AIMP2: variants seen among roughly 807,000 people sequenced by gnomAD.
AIMP2 encodes aminoacyl tRNA synthase complex-interacting multifunctional protein 2.
Under a neutral mutation model 23.4 loss-of-function variants are expected in AIMP2, and 20 were observed. That is an observed-to-expected ratio of 0.85 (90% CI 0.60 to 1.24). The LOEUF (loss-of-function observed/expected upper bound fraction) is 1.24, where lower values mean the gene tolerates loss of function less well. Ranked by LOEUF, AIMP2 falls within the 50% of genes most tolerant of loss-of-function variation. The pLI, the probability that AIMP2 is intolerant of heterozygous loss-of-function variation, is 0.00. For missense variants in AIMP2, 515 were observed against 414.5 expected (o/e 1.24, Z -2.10); for synonymous variants, 210 against 170.4 (o/e 1.23, Z -1.81).
intron 1 of AIMP2, among the ~76,000 whole-genome samples, chr7:6,013,928 G>C (rs902538117): frequency 6.6e-6 from 1 of 151,154 alleles, no homozygotes; most frequent in Non-Finnish European, 1.5e-5. Context: ...TCCAGCCTGG[G>C]CAATAGAGTG....
At chr7:6,023,060 C>A (rs1787550235) in intron 3 of AIMP2, 8 of 476,314 alleles carry the variant, frequency 1.7e-5, no homozygotes, top group South Asian at 3.3e-5. Flanking sequence ...CTTCTAGCTT[C>A]AGAAGTGTCA....
At chr7:6,020,426 AAAAG>A (rs1307630435) in intron 3 of AIMP2, among the ~76,000 whole-genome samples, 10 of 151,932 alleles carry the variant, frequency 6.6e-5, no homozygotes, top group Admixed American at 5.9e-4. Flanking sequence ...GTCTCAAAAA[AAAAG>A]AAAAGAAAAT....
intron 3 of AIMP2, 103 bp downstream of exon 3, chr7:6,018,148 T>TTC (rs754844062): frequency 0.011 from 1,203 of 113,776 alleles, 1 homozygote; most frequent in Non-Finnish European, 0.013. Flanking sequence ...TTCTTTTTCT[T>TTC]TTTTTTTTTT....
In AIMP2 at chr7:6,015,143, T is replaced by A. The variant is rs1324830900; in HGVS notation, c.136-3T>A. On this transcript the variant is annotated splice_region_variant and splice_polypyrimidine_tract_variant and intron_variant, in intron 1 of 3. Transcript: ENST00000223029. ...ATGAACATTTGGCTGTTGGTTTGTT[T>A]AGGAAGAGTCTAACCTGTCTCTGCA... 1.2e-6 allele frequency: 2 copies of A among 1,614,056 alleles called. No individual in the cohort carries two copies. Among genetic ancestry groups the A allele is most frequent in the Non-Finnish European group, 1.7e-6 (2 of 1,179,974 alleles).
intron 2 of AIMP2, among the ~76,000 whole-genome samples, chr7:6,017,240 G>C (rs1376305504): frequency 6.6e-6 from 1 of 151,996 alleles, no homozygotes; most frequent in African/African-American, 2.4e-5. Context: ...CCTAGGCCAG[G>C]CACCATGGCT....
intron 1 of AIMP2, chr7:6,013,082 G>T (rs77182501): frequency 0.073 from 49,026 of 672,580 alleles, 1,745 homozygotes; most frequent in East Asian, 0.098. Context: ...CAGGGTGGTG[G>T]TTTAGGAACT....
chr7:6,009,974 A>AAAATATACATATATATATATATAT lies in AIMP2; in HGVS notation c.135+477_135+478insAATATACATATATATATATATATA. 4.9e-4 allele frequency among the ~76,000 whole-genome samples: 13 copies of AAAATATACATATATATATATATAT among 26,660 alleles called. 1 individual carries two copies. The highest frequency in any genetic ancestry group is 8.2e-4 in the Admixed American group (2 of 2,444). The allele number at this position is 26,660 out of a possible 152,430, so 17.5% of individuals were successfully genotyped here. ...CAAAAAAAAAAAAAAAAAAAAAAAAAATATATATATATATATATGTATGTA... is the reference window on the plus strand; with the variant it reads ...CAAAAAAAAAAAAAAAAAAAAAAAAAAAATATACATATATATATATATATATATATATATATATATATGTATGTA... On this transcript the variant is annotated intron_variant, in intron 1 of 3. Coordinates refer to ENST00000223029, the MANE Select transcript of AIMP2 (RefSeq NM_006303.4).
intron 2 of AIMP2, among the ~76,000 whole-genome samples, 198 bp from the exon 3 acceptor site, chr7:6,017,616 T>C (rs1787101875): frequency 6.6e-6 from 1 of 152,024 alleles, no homozygotes; most frequent in Non-Finnish European, 1.5e-5. Context: ...TGGAGTCCGC[T>C]CATATCCCAG....
At chr7:6,018,249 C>T (rs1254041952) in intron 3 of AIMP2, among the ~76,000 whole-genome samples, 5 of 148,038 alleles carry the variant, frequency 3.4e-5, no homozygotes, top group Admixed American at 6.9e-5. Flanking sequence ...TGGGTTCAAG[C>T]GATTCTCCTG....
chr7:6,017,774 C>A, intron 2 of AIMP2, 40 bp from the exon 3 acceptor site: 1 of 1,566,112 alleles, frequency 6.4e-7, no homozygotes. Context: ...TGGCACTCTC[C>A]GATGACTGTT....
chr7:6,009,989 A>ATATATATATATATGTATG (rs1259647902), intron 1 of AIMP2, among the ~76,000 whole-genome samples: 1 of 108,392 alleles, frequency 9.2e-6, no homozygotes, highest in African/African-American at 3.4e-5. Context: ...ATATATATAT[A>ATATATATATATATGTATG]TATGTATGTA....
At chr7:6,009,815 G>A (rs928422450) in intron 1 of AIMP2, among the ~76,000 whole-genome samples, 12 of 150,398 alleles carry the variant, frequency 8.0e-5, no homozygotes, top group Admixed American at 2.7e-4. Context: ...GCCGGGTGTG[G>A]TGAGGCGCCT....
At chr7:6,019,708 G>A (rs536022525) in intron 3 of AIMP2, among the ~76,000 whole-genome samples, 1 of 152,074 alleles carries the variant, frequency 6.6e-6, no homozygotes, top group South Asian at 2.1e-4. Context: ...AATGAATTCA[G>A]TGTAAGAACC....
intron 3 of AIMP2, among the ~76,000 whole-genome samples, chr7:6,018,387 AT>A (rs1324521319): frequency 1.3e-5 from 2 of 150,658 alleles, no homozygotes; most frequent in Non-Finnish European, 3.0e-5. Flanking sequence ...TGACCTCATG[AT>A]CCACCTGCCT....
At chr7:6,020,259 A>G (rs1787297679) in intron 3 of AIMP2, among the ~76,000 whole-genome samples, 1 of 152,002 alleles carries the variant, frequency 6.6e-6, no homozygotes, top group African/African-American at 2.4e-5. Flanking sequence ...CATCTCTATT[A>G]AAGGCACAAA....
chr7:6,018,726 C>T (rs1225412602), intron 3 of AIMP2, among the ~76,000 whole-genome samples: 6 of 151,554 alleles, frequency 4.0e-5, no homozygotes, highest in Non-Finnish European at 7.4e-5. Context: ...CCCAGCTACT[C>T]GGGAGGCGGA....
intron 1 of AIMP2, among the ~76,000 whole-genome samples, chr7:6,013,687 G>A (rs901943406): frequency 1.3e-5 from 2 of 152,174 alleles, no homozygotes; most frequent in African/African-American, 2.4e-5. Flanking sequence ...GGTGGCTCAC[G>A]GCTGTCTTCC....
intron 1 of AIMP2, 91 bp from the exon 2 acceptor site, chr7:6,015,055 G>A: frequency 6.3e-7 from 1 of 1,591,800 alleles, no homozygotes; most frequent in East Asian, 2.2e-5. Context: ...GAGGTTTGGT[G>A]AGTGCATGGC....
At chr7:6,022,572 C>CT (rs1787505839) in intron 3 of AIMP2, 1 of 152,164 alleles carries the variant, frequency 6.6e-6, no homozygotes, top group African/African-American at 2.4e-5. Context: ...GTCAGATATT[C>CT]TAAGTCTAGA....
Sources: allele counts gnomAD v4.1 joint callset (sites outside exome capture counted in the v4.1 genomes callset), GRCh38; gene constraint gnomAD v4.1.1; transcripts MANE v1.5; gene names NCBI Gene and HGNC (gene_info 2026-07-23, HGNC 2026-07-21).